Variants in UTP4 observed in about 807,000 individuals in gnomAD.
UTP4 encodes the protein U3 small nucleolar RNA-associated protein 4 homolog.
Under a neutral mutation model 82.4 loss-of-function variants are expected in UTP4, and 45 were observed. The observed-to-expected ratio is 0.55, with a 90% CI of 0.43 to 0.70. The LOEUF (loss-of-function observed/expected upper bound fraction) is 0.70, where lower values mean the gene tolerates loss of function less well. Among genes scored for constraint, UTP4 ranks in the 30% least tolerant of loss-of-function variants. The pLI is 0.00. For missense variants in UTP4, 819 were observed against 858.3 expected, an observed-to-expected ratio of 0.95 and a Z score of 0.57; for synonymous variants, 348 against 300.3, an observed-to-expected ratio of 1.16 and a Z score of -1.64.
intron 6 of UTP4, among the ~76,000 whole-genome samples, chr16:69,143,997 T>G (rs910583897): frequency 1.3e-5 from 2 of 151,080 alleles, no homozygotes; most frequent in African/African-American, 2.4e-5. Flanking sequence ...AAGCGATTCT[T>G]CTGCCTCAGC....
At position 69,136,929 on chromosome 16, in the gene UTP4, C is replaced by T. The variant is rs760474688; in HGVS notation, c.351+42C>T. 2.5e-5 allele frequency: 39 copies of T among 1,542,516 alleles called. 3 individuals are homozygous for T. In the South Asian group the frequency reaches 3.7e-4, roughly 15 times the overall value. ...TGGTAATTCAAACCAAAATTTCTCT[C>T]GTGCCTGCTCAGACTTTCTTCCCTG... On this transcript the variant is annotated intron_variant, in intron 3 of 16. Coordinates refer to ENST00000314423, the MANE Select transcript of UTP4 (RefSeq NM_032830.3).
rs1481875583 is a variant in UTP4 at position 69,150,836 on chromosome 16, C to T, written c.934C>T (p.Arg312Cys). ...AGGCACTGACACCCACTTAGTCTTT[C>T]GTCCTCTCATGGAGAAGGTGGAAGT... The part of the protein sequence containing the change: ...SGGTDTHLVF[R>C]PLMEKVEVKN... The change falls in exon 8 of 17, where the codon CGT becomes TGT. Residue 312 changes from arginine to cysteine, a missense_variant. Arg to Cys is a radical substitution (Grantham distance 180). Coordinates refer to ENST00000314423, the MANE Select transcript of UTP4 (RefSeq NM_032830.3). 4 of 1,614,000 alleles carry T rather than the reference C, an allele frequency of 2.5e-6. No homozygotes were observed. Among genetic ancestry groups the T allele is most frequent in the African/African-American group, 1.3e-5 (1 of 74,908 alleles).
At chr16:69,135,895 G>A (rs1962798879) in intron 2 of UTP4, among the ~76,000 whole-genome samples, 1 of 152,178 alleles carries the variant, frequency 6.6e-6, no homozygotes, top group Non-Finnish European at 1.5e-5. Context: ...GGGACGTGGT[G>A]GCACATGCCT....
intron 16 of UTP4, 25 bp from the exon 17 acceptor site, chr16:69,168,796 T>C: frequency 2.8e-6 from 4 of 1,426,896 alleles, no homozygotes; most frequent in Non-Finnish European, 3.0e-6. Flanking sequence ...TAAGTCCTGA[T>C]AGAATAATTA....
At chr16:69,167,357 T>C in intron 16 of UTP4, 172 bp downstream of exon 16, 2 of 632,304 alleles carry the variant, frequency 3.2e-6, no homozygotes, top group South Asian at 1.8e-5. Flanking sequence ...TGTTTTATTG[T>C]TCTTGCCTTA....
At chr16:69,154,295 T>C (rs1963352811) in intron 9 of UTP4, 98 bp from the exon 10 acceptor site, 2 of 941,672 alleles carry the variant, frequency 2.1e-6, no homozygotes, top group South Asian at 1.4e-5. Flanking sequence ...TTCCCACTGA[T>C]AGAGATTCCA....
At chr16:69,139,476 T>G (rs1179250928) in intron 4 of UTP4, among the ~76,000 whole-genome samples, 1 of 150,740 alleles carries the variant, frequency 6.6e-6, no homozygotes, top group East Asian at 2.0e-4. Context: ...CCATCTCCAC[T>G]AAAAATACAA....
In UTP4 at chr16:69,168,696, T is replaced by C. The variant is rs561443370; in HGVS notation, c.1945-125T>C. The C allele has an allele frequency of 1.4e-5, 11 of 759,834 alleles. No homozygotes were observed. In the East Asian group the frequency reaches 2.7e-4, roughly 19 times the overall value. The allele number at this position is 759,834 out of a possible 1,614,324, so 47.1% of individuals were successfully genotyped here. The stretch of plus-strand genomic sequence containing the variant: ...CAGGGCAGGAAAGATTGTCAAGAAA[T>C]TTAAATCATTTGAGCCTTGAACTAG... On this transcript the variant is annotated intron_variant, in intron 16 of 16. Transcript: ENST00000314423.
At chr16:69,142,189 G>C (rs1962977553) in intron 5 of UTP4, 1 of 152,184 alleles carries the variant, frequency 6.6e-6, no homozygotes, top group Non-Finnish European at 1.5e-5. Flanking sequence ...TTTCACTGAA[G>C]AATGATCTGG....
At chr16:69,137,908 C>G in intron 4 of UTP4, 23 bp downstream of exon 4, 2 of 1,386,744 alleles carry the variant, frequency 1.4e-6, no homozygotes, top group Non-Finnish European at 2.1e-6. Context: ...TTTCATGGGG[C>G]GGTAAATAGC....
intron 9 of UTP4, 114 bp from the exon 10 acceptor site, chr16:69,154,279 T>C: frequency 2.5e-6 from 2 of 809,948 alleles, no homozygotes; most frequent in South Asian, 1.5e-5. Flanking sequence ...CTTGTATTTT[T>C]CTGATTTCCC....
intron 5 of UTP4, 74 bp downstream of exon 5, chr16:69,139,988 G>A: frequency 2.7e-6 from 3 of 1,099,872 alleles, no homozygotes; most frequent in Non-Finnish European, 1.4e-6. Flanking sequence ...AAAAGCTTGA[G>A]CCTTTGTCAT....
chr16:69,150,186 T>C (rs1963223550), intron 6 of UTP4, among the ~76,000 whole-genome samples: 1 of 152,204 alleles, frequency 6.6e-6, no homozygotes, highest in Non-Finnish European at 1.5e-5. Flanking sequence ...ATGATATGAA[T>C]TTCTTTGTTA....
intron 10 of UTP4, 63 bp from the exon 11 acceptor site, chr16:69,155,808 T>A (rs1025576541): frequency 3.8e-6 from 6 of 1,597,594 alleles, no homozygotes; most frequent in Non-Finnish European, 5.1e-6. Context: ...AGGCGTCATG[T>A]CCCAGTGCAC....
intron 15 of UTP4, 157 bp from the exon 16 acceptor site, chr16:69,166,918 G>T: frequency 1.6e-6 from 1 of 629,146 alleles, no homozygotes; most frequent in Non-Finnish European, 2.8e-6. Flanking sequence ...GAGGTATTAT[G>T]GCTACAGCTG....
At chr16:69,135,985 C>T (rs538730890) in intron 2 of UTP4, among the ~76,000 whole-genome samples, 49 of 152,218 alleles carry the variant, frequency 3.2e-4, no homozygotes, top group Middle Eastern at 6.8e-3. Context: ...GCTGAGATGG[C>T]GCCATTGCAC....
rs780607333 is a variant in UTP4 at position 69,157,127 on chromosome 16, T to C, written c.1331T>C (p.Leu444Ser). Residue 444 changes from leucine to serine, a missense_variant, in exon 12 of 17, where the codon TTG (leucine) becomes TCG (serine). Transcript: ENST00000314423. ...PAFLRSALQI[L>S]FSEDSTKLFV... ...TTCCTTCGCTCTGCCCTTCAGATTT[T>C]GTTTTCTGAAGATTCAACAAAGCTC... 6.2e-7 allele frequency: 1 copy of C among 1,614,254 alleles called. No individual in the cohort carries two copies. The highest frequency in any genetic ancestry group is 8.5e-7 in the Non-Finnish European group (1 of 1,180,046).
chr16:69,157,040 G>A, intron 11 of UTP4, 44 bp from the exon 12 acceptor site: 1 of 1,607,552 alleles, frequency 6.2e-7, no homozygotes, highest in Non-Finnish European at 8.5e-7. Context: ...ATGGGCTGTA[G>A]GTCTCCCTTC....
chr16:69,149,874 A>G (rs1963213947), intron 6 of UTP4, among the ~76,000 whole-genome samples: 1 of 151,968 alleles, frequency 6.6e-6, no homozygotes, highest in Admixed American at 6.6e-5. Context: ...GATTACAGGC[A>G]TGCGCCACCA....
Sources: allele counts gnomAD v4.1 joint callset (sites outside exome capture counted in the v4.1 genomes callset), GRCh38; gene constraint gnomAD v4.1.1; transcripts MANE v1.5; gene names NCBI Gene and HGNC (gene_info 2026-07-23, HGNC 2026-07-21).